STEAP1B: variants seen among roughly 807,000 people sequenced by gnomAD.
STEAP1B encodes STEAP family protein MGC87042.
Under a neutral mutation model 27.9 loss-of-function variants are expected in STEAP1B, and 13 were observed. The ratio of observed to expected loss-of-function variants is 0.47; its 90% CI spans 0.30 to 0.74. The LOEUF is 0.74. Among genes scored for constraint, STEAP1B ranks in the 30% least tolerant of loss-of-function variants. STEAP1B has a pLI of 0.06. For synonymous variants in STEAP1B, 86 were observed against 107.1 expected (o/e 0.80, Z 1.22); for missense variants, 250 against 298.7 (o/e 0.84, Z 1.20).
intron 4 of STEAP1B, among the ~76,000 whole-genome samples, chr7:22,480,741 G>A (rs1306826836): frequency 2.6e-5 from 4 of 152,128 alleles, no homozygotes; most frequent in Non-Finnish European, 5.9e-5. Context: ...TGCTATGTTT[G>A]GGCTTCAGGG....
chr7:22,421,600 T>C (rs1346223069), intron 4 of STEAP1B, among the ~76,000 whole-genome samples: 1 of 152,270 alleles, frequency 6.6e-6, no homozygotes, highest in East Asian at 1.9e-4. Flanking sequence ...AGCTCAGTTC[T>C]GTATATTTAC....
At chr7:22,462,482 T>C (rs1231097556) in intron 4 of STEAP1B, among the ~76,000 whole-genome samples, 1 of 132,292 alleles carries the variant, frequency 7.6e-6, no homozygotes, top group African/African-American at 2.9e-5. Context: ...ATACGCGGTG[T>C]TTGGTTTTTT....
intron 4 of STEAP1B, among the ~76,000 whole-genome samples, chr7:22,422,064 A>G (rs912722037): frequency 6.6e-6 from 1 of 152,374 alleles, no homozygotes; most frequent in Middle Eastern, 3.4e-3. Context: ...TAATGATGTT[A>G]CCATTGAAGA....
At chr7:22,445,743 CAA>C (rs1354541732) in intron 4 of STEAP1B, among the ~76,000 whole-genome samples, 2 of 152,236 alleles carry the variant, frequency 1.3e-5, no homozygotes, top group Non-Finnish European at 2.9e-5. Context: ...CCTTTAAACT[CAA>C]AGTCAGAGCT....
chr7:22,449,076 T>C (rs893495006), intron 4 of STEAP1B, among the ~76,000 whole-genome samples: 3 of 151,892 alleles, frequency 2.0e-5, no homozygotes, highest in Non-Finnish European at 2.9e-5. Flanking sequence ...GTATGCAACA[T>C]GTGATAATCA....
At chr7:22,424,859 A>G (rs984880821) in intron 4 of STEAP1B, among the ~76,000 whole-genome samples, 2 of 149,768 alleles carry the variant, frequency 1.3e-5, no homozygotes, top group Non-Finnish European at 3.0e-5. Flanking sequence ...CATATTCAGT[A>G]AAGAAAAAAA....
chr7:22,465,717 G>A (rs1486341692), intron 4 of STEAP1B, among the ~76,000 whole-genome samples: 1 of 152,178 alleles, frequency 6.6e-6, no homozygotes, highest in African/African-American at 2.4e-5. Flanking sequence ...GAGACATGGG[G>A]CTTTATTAGG....
intron 4 of STEAP1B, among the ~76,000 whole-genome samples, chr7:22,482,561 A>G (rs1055588892): frequency 6.6e-6 from 1 of 152,214 alleles, no homozygotes; most frequent in African/African-American, 2.4e-5. Context: ...TAGTAGACCC[A>G]CAATGGGGCC....
chr7:22,446,449 C>T (rs1186299596), intron 4 of STEAP1B, among the ~76,000 whole-genome samples: 1 of 152,212 alleles, frequency 6.6e-6, no homozygotes, highest in Non-Finnish European at 1.5e-5. Flanking sequence ...AAGACAGAAT[C>T]GGGAACTTTG....
At chr7:22,447,514 A>T (rs1041373953) in intron 4 of STEAP1B, among the ~76,000 whole-genome samples, 2 of 152,224 alleles carry the variant, frequency 1.3e-5, no homozygotes, top group African/African-American at 4.8e-5. Flanking sequence ...AATACTTGAC[A>T]ATGACTGTTT....
At chr7:22,456,972 A>ATATATATATATTTTT in intron 4 of STEAP1B, among the ~76,000 whole-genome samples, 9 of 57,080 alleles carry the variant, frequency 1.6e-4, no homozygotes, top group East Asian at 1.3e-3. Flanking sequence ...ATATATATAT[A>ATATATATATATTTTT]TTTTTTTTTT....
chr7:22,453,750 T>A (rs1290185776), intron 4 of STEAP1B, among the ~76,000 whole-genome samples: 1 of 152,242 alleles, frequency 6.6e-6, no homozygotes, highest in African/African-American at 2.4e-5. Flanking sequence ...TGACGTCCAT[T>A]GACATAGAGT....
chr7:22,467,764 C>T (rs1247313815), intron 4 of STEAP1B, among the ~76,000 whole-genome samples: 4 of 152,134 alleles, frequency 2.6e-5, no homozygotes, highest in African/African-American at 9.7e-5. Flanking sequence ...TCTATTAAAC[C>T]TCTTTCTTTG....
At chr7:22,434,505 T>C (rs925216029) in intron 4 of STEAP1B, among the ~76,000 whole-genome samples, 2 of 146,906 alleles carry the variant, frequency 1.4e-5, no homozygotes, top group African/African-American at 2.4e-5. Context: ...AAAAAATACA[T>C]TAAGACTAGT....
intron 4 of STEAP1B, among the ~76,000 whole-genome samples, chr7:22,468,416 G>A (rs554831502): frequency 6.6e-6 from 1 of 152,124 alleles, no homozygotes; most frequent in Non-Finnish European, 1.5e-5. Flanking sequence ...AAAATGCAGA[G>A]CCACCGGAAT....
At chr7:22,426,266 A>G (rs992725649) in intron 4 of STEAP1B, among the ~76,000 whole-genome samples, 6 of 152,266 alleles carry the variant, frequency 3.9e-5, no homozygotes, top group African/African-American at 1.4e-4. Context: ...TCTTCCATAA[A>G]ATACAAAACA....
chr7:22,493,735 C>A lies in STEAP1B; in HGVS notation c.186G>T (p.Gln62His), dbSNP rs1786386787. The A allele has an allele frequency of 1.9e-6, 3 of 1,613,874 alleles. No homozygotes were observed. The South Asian group carries it at 3.3e-5, about 18-fold the overall frequency. ...ACTGTGGAAAGAGTTCCTGTGCGTG[C>A]TGAAGTTCTGAAGGGCAGTCAAATT... is the stretch of plus-strand genomic sequence containing the variant. ...ADEFDCPSEL[Q>H]HAQELFPQWH... Residue 62 changes from glutamine to histidine, a missense_variant, in exon 3 of 5, where the codon CAG (glutamine) becomes CAT (histidine). By Grantham distance (24) the Gln-to-His change is conservative. Coordinates refer to ENST00000678116, the MANE Select transcript of STEAP1B (RefSeq NM_001382447.1).
intron 4 of STEAP1B, among the ~76,000 whole-genome samples, chr7:22,480,203 A>T (rs761120150): frequency 6.6e-6 from 1 of 152,240 alleles, no homozygotes; most frequent in Non-Finnish European, 1.5e-5. Context: ...AACAAACCTT[A>T]TCCTGTTCCA....
chr7:22,485,357 A>G (rs896982357), intron 4 of STEAP1B, among the ~76,000 whole-genome samples: 20 of 152,250 alleles, frequency 1.3e-4, no homozygotes, highest in Non-Finnish European at 2.8e-4. Context: ...CTCCACCAGC[A>G]AAAAGATGAC....
Sources: allele counts gnomAD v4.1 joint callset (sites outside exome capture counted in the v4.1 genomes callset), GRCh38; gene constraint gnomAD v4.1.1; transcripts MANE v1.5; gene names NCBI Gene and HGNC (gene_info 2026-07-23, HGNC 2026-07-21).